EGFLAM: variants seen among roughly 807,000 people sequenced by gnomAD.
EGFLAM encodes the protein pikachurin.
EGFLAM carries 79 observed loss-of-function variants against 113.1 expected under a neutral mutation model. The observed-to-expected ratio is 0.70, with a 90% CI of 0.58 to 0.84. EGFLAM has a LOEUF of 0.84. Ranked by LOEUF, EGFLAM falls within the 40% of genes least tolerant of loss-of-function variation. EGFLAM has a pLI of 0.00. For missense variants in EGFLAM, 1,265 were observed against 1,291.6 expected, an observed-to-expected ratio of 0.98 and a Z score of 0.32; for synonymous variants, 504 against 487.6, an observed-to-expected ratio of 1.03 and a Z score of -0.44.
rs182712141 is a variant in EGFLAM, at chr5:38,337,525, G to A, written c.103G>A (p.Val35Ile). The A allele has an allele frequency of 3.1e-6, 5 of 1,596,910 alleles. No homozygotes were observed. The highest frequency in any genetic ancestry group is 2.7e-5 in the African/African-American group (2 of 74,682). The change falls in exon 2 of 22, where the codon GTA becomes ATA. Residue 35 changes from valine to isoleucine, a missense_variant. Transcript: ENST00000322350. ...TCTCTTTTGTTTGGGGGCAGGCAAG[G>A]TAGGGCCTCCTCTTGACATCAAGCT... Reference protein sequence around the residue: ...LRAAIRKPGKVGPPLDIKLGA... With the variant: ...LRAAIRKPGKIGPPLDIKLGA...
chr5:38,370,493 G>A (rs1281241028), intron 6 of EGFLAM, 31 bp downstream of exon 6: 8 of 1,604,240 alleles, frequency 5.0e-6, no homozygotes, highest in East Asian at 4.5e-5. Context: ...GAGGGACCAA[G>A]GGAGCTGCAT....
chr5:38,261,332 A>C (rs535383262), intron 1 of EGFLAM, among the ~76,000 whole-genome samples: 2 of 152,338 alleles, frequency 1.3e-5, no homozygotes, highest in East Asian at 3.9e-4. Context: ...AATTAAGTGA[A>C]ATTAAATCAT....
At chr5:38,456,439 C>G (rs557667195) in intron 19 of EGFLAM, among the ~76,000 whole-genome samples, 1 of 152,274 alleles carries the variant, frequency 6.6e-6, no homozygotes, top group African/African-American at 2.4e-5. Flanking sequence ...CCTATTCATT[C>G]AAGAAGTATT....
intron 17 of EGFLAM, among the ~76,000 whole-genome samples, chr5:38,444,210 G>T (rs181148884): frequency 5.0e-4 from 76 of 152,204 alleles, no homozygotes; most frequent in Non-Finnish European, 1.0e-3. Flanking sequence ...CAAGCTTTTA[G>T]ATATAAATGT....
intron 3 of EGFLAM, among the ~76,000 whole-genome samples, chr5:38,347,945 T>C (rs1422259284): frequency 1.3e-5 from 2 of 151,814 alleles, no homozygotes; most frequent in Non-Finnish European, 2.9e-5. Context: ...ATTCAAGTGA[T>C]ATGAAAGAGG....
intron 15 of EGFLAM, among the ~76,000 whole-genome samples, chr5:38,432,918 C>G (rs528662449): frequency 6.6e-6 from 1 of 152,122 alleles, no homozygotes; most frequent in Admixed American, 6.5e-5. Flanking sequence ...TCCCTTTTGG[C>G]TTTTTTACCT....
At chr5:38,451,582 T>A in intron 19 of EGFLAM, 124 bp downstream of exon 19, 1 of 1,390,756 alleles carries the variant, frequency 7.2e-7, no homozygotes, top group Non-Finnish European at 9.7e-7. Context: ...AGCCTGAAGC[T>A]TCAAGGCTTA....
intron 1 of EGFLAM, among the ~76,000 whole-genome samples, chr5:38,333,037 G>A (rs1739086598): frequency 6.6e-6 from 1 of 152,212 alleles, no homozygotes; most frequent in Non-Finnish European, 1.5e-5. Context: ...CCACTTATAA[G>A]TGAGAACATA....
intron 10 of EGFLAM, among the ~76,000 whole-genome samples, chr5:38,411,483 CT>C (rs759299989): frequency 0.081 from 9,144 of 113,410 alleles, 314 homozygotes; most frequent in African/African-American, 0.19. Context: ...TCATTAATTT[CT>C]TTTTTTTTTT....
chr5:38,304,388 A>C (rs942935857), intron 1 of EGFLAM, among the ~76,000 whole-genome samples: 7 of 152,140 alleles, frequency 4.6e-5, no homozygotes, highest in Non-Finnish European at 1.0e-4. Context: ...TTAAAAGCAA[A>C]AGGTCTGTGA....
At chr5:38,446,495 T>G (rs577605116) in intron 17 of EGFLAM, among the ~76,000 whole-genome samples, 23 of 152,220 alleles carry the variant, frequency 1.5e-4, no homozygotes, top group African/African-American at 4.6e-4. Context: ...CCAACTCTTT[T>G]TTCCTCCCTG....
chr5:38,396,063 T>TTTTTTTTTTTTTTTTTTTTTTTGAG (rs1482050151), intron 6 of EGFLAM, among the ~76,000 whole-genome samples: 15 of 151,956 alleles, frequency 9.9e-5, no homozygotes, highest in African/African-American at 2.9e-4. Context: ...ACCCACTCTT[T>TTTTTTTTTTTTTTTTTTTTTTTGAG]AAAAGCCTCC....
intron 1 of EGFLAM, among the ~76,000 whole-genome samples, chr5:38,317,926 C>T (rs947011245): frequency 6.6e-6 from 1 of 152,054 alleles, no homozygotes. Flanking sequence ...GTGCTGGAGG[C>T]CAGTGTTGGC....
chr5:38,445,835 C>A (rs865995472), intron 17 of EGFLAM: 1 of 990,936 alleles, frequency 1.0e-6, no homozygotes, highest in South Asian at 1.3e-5. Flanking sequence ...GCCTCCCCGC[C>A]GGCCAGCCAG....
At chr5:38,270,980 G>A (rs1366287) in intron 1 of EGFLAM, among the ~76,000 whole-genome samples, 92,330 of 151,972 alleles carry the variant, frequency 0.61, 28,928 homozygotes, top group African/African-American at 0.75. Flanking sequence ...GTGGAAATGA[G>A]AACAATTTCA....
chr5:38,427,783 C>A (rs79077795), intron 14 of EGFLAM, among the ~76,000 whole-genome samples: 3 of 152,166 alleles, frequency 2.0e-5, no homozygotes, highest in Non-Finnish European at 4.4e-5. Context: ...TGCAGAGACC[C>A]GTTCCCTAAG....
chr5:38,281,748 C>T (rs1290860828), intron 1 of EGFLAM, among the ~76,000 whole-genome samples: 1 of 152,140 alleles, frequency 6.6e-6, no homozygotes, highest in Non-Finnish European at 1.5e-5. Context: ...TTACCACCTT[C>T]TCCCAATAAA....
intron 1 of EGFLAM, among the ~76,000 whole-genome samples, chr5:38,280,140 T>C (rs1321618534): frequency 1.3e-5 from 2 of 152,208 alleles, no homozygotes. Context: ...CAAAAATTCT[T>C]TTACTTTTCT....
chr5:38,383,030 C>G (rs1740555309), intron 6 of EGFLAM, among the ~76,000 whole-genome samples: 1 of 152,198 alleles, frequency 6.6e-6, no homozygotes, highest in Non-Finnish European at 1.5e-5. Context: ...GTAGTTCCCA[C>G]ACTTACAGAG....
Sources: gnomAD v4.1 joint callset for allele counts (sites outside exome capture counted in the v4.1 genomes callset) on GRCh38, gnomAD v4.1.1 for gene constraint, MANE v1.5 for transcripts, NCBI Gene and HGNC (gene_info 2026-07-23, HGNC 2026-07-21) for gene names.